SORCS3: variants seen among roughly 807,000 people sequenced by gnomAD.
The protein encoded by SORCS3 is sortilin related VPS10 domain containing receptor 3.
Under a neutral mutation model 146.3 loss-of-function variants are expected in SORCS3, and 57 were observed. The observed-to-expected ratio is 0.39, with a 90% confidence interval of 0.31 to 0.49. SORCS3 has a LOEUF of 0.49. Ranked by LOEUF, SORCS3 falls within the 20% of genes least tolerant of loss-of-function variation. The pLI, the probability that SORCS3 is intolerant of heterozygous loss-of-function variation, is 0.92. For synonymous variants in SORCS3, 653 were observed against 618.5 expected (o/e 1.06, Z -0.83); for missense variants, 1,341 against 1,575.5 (o/e 0.85, Z 2.52).
chr10:105,160,100 G>C (rs1043218878), intron 11 of SORCS3, among the ~76,000 whole-genome samples: 1 of 152,132 alleles, frequency 6.6e-6, no homozygotes, highest in Non-Finnish European at 1.5e-5. Flanking sequence ...CAACTCAAGG[G>C]CTGCGGGACC....
At chr10:104,662,432 C>T (rs2015714550) in intron 1 of SORCS3, among the ~76,000 whole-genome samples, 1 of 152,182 alleles carries the variant, frequency 6.6e-6, no homozygotes, top group African/African-American at 2.4e-5. Flanking sequence ...TAAATAAAAG[C>T]ATGGTGGGGC....
In SORCS3 at chr10:105,157,149, C is replaced by G. The variant is rs2056217196; in HGVS notation, c.1494C>G (p.Ile498Met). 1 of 1,613,742 alleles carries G rather than the reference C, an allele frequency of 6.2e-7. No homozygotes were observed. The highest frequency in any genetic ancestry group is 1.7e-5 in the Admixed American group (1 of 59,980). Residue 498 changes from isoleucine to methionine, a missense_variant, in exon 10 of 27, where the codon ATC (isoleucine) becomes ATG (methionine). Coordinates refer to ENST00000369701, the MANE Select transcript of SORCS3 (RefSeq NM_014978.3). Reference sequence around the variant, plus strand: ...ACCTTTTTTCCTAGGTAGCAGGTATCAAAGGGATATTTCTGGCAAACAAGA... The same window carrying G: ...ACCTTTTTTCCTAGGTAGCAGGTATGAAAGGGATATTTCTGGCAAACAAGA... ...IIIELYEVAG[I>M]KGIFLANKKV...
At chr10:104,899,482 C>T (rs1199121200) in intron 2 of SORCS3, among the ~76,000 whole-genome samples, 1 of 152,198 alleles carries the variant, frequency 6.6e-6, no homozygotes, top group African/African-American at 2.4e-5. Flanking sequence ...TTCCCACCTA[C>T]ATCCAGTGCT....
chr10:105,177,911 A>G (rs750230570), intron 13 of SORCS3, among the ~76,000 whole-genome samples, 155 bp from the exon 14 acceptor site: 10 of 152,156 alleles, frequency 6.6e-5, no homozygotes, highest in Admixed American at 1.3e-4. Context: ...CAAATCTCAT[A>G]ATAATATGGG....
At chr10:105,123,585 A>C (rs2055951338) in intron 7 of SORCS3, among the ~76,000 whole-genome samples, 1 of 152,240 alleles carries the variant, frequency 6.6e-6, no homozygotes, top group South Asian at 2.1e-4. Flanking sequence ...GCTATATATA[A>C]GAAATAAATA....
At chr10:105,204,077 A>C (rs1482076730) in intron 16 of SORCS3, among the ~76,000 whole-genome samples, 1 of 152,032 alleles carries the variant, frequency 6.6e-6, no homozygotes, top group Non-Finnish European at 1.5e-5. Context: ...GCACGGTGGG[A>C]GAGGCGAGGG....
chr10:105,153,812 T>TGG (rs2056185584), intron 9 of SORCS3, among the ~76,000 whole-genome samples: 1 of 152,104 alleles, frequency 6.6e-6, no homozygotes, highest in Non-Finnish European at 1.5e-5. Context: ...GGCTCACACC[T>TGG]GTAATCCCAG....
chr10:105,113,925 G>T (rs2055875812), intron 7 of SORCS3, among the ~76,000 whole-genome samples: 1 of 152,126 alleles, frequency 6.6e-6, no homozygotes, highest in Non-Finnish European at 1.5e-5. Context: ...CTCTGTAGGG[G>T]CAGGGGAAAG....
At chr10:104,719,898 T>G (rs552983454) in intron 1 of SORCS3, among the ~76,000 whole-genome samples, 1 of 152,060 alleles carries the variant, frequency 6.6e-6, no homozygotes, top group Non-Finnish European at 1.5e-5. Context: ...GAAAGTTGTC[T>G]GATGAAAGAT....
At chr10:105,215,954 C>A (rs2056662304) in intron 18 of SORCS3, among the ~76,000 whole-genome samples, 1 of 123,022 alleles carries the variant, frequency 8.1e-6, no homozygotes, top group Non-Finnish European at 1.6e-5. Flanking sequence ...TTGTGTTGAT[C>A]CAAAGTGTTG....
chr10:104,987,593 G>GT (rs1038675210), intron 4 of SORCS3, among the ~76,000 whole-genome samples: 2 of 151,900 alleles, frequency 1.3e-5, no homozygotes, highest in South Asian at 2.1e-4. Flanking sequence ...TTTCTTCAGC[G>GT]TTTTTTTCAC....
intron 1 of SORCS3, among the ~76,000 whole-genome samples, chr10:104,837,617 C>A (rs1359106819): frequency 6.6e-6 from 1 of 152,172 alleles, no homozygotes; most frequent in African/African-American, 2.4e-5. Context: ...TTTCTCATTA[C>A]ACATCTCTGT....
intron 4 of SORCS3, among the ~76,000 whole-genome samples, chr10:105,006,838 C>A (rs959074051): frequency 1.3e-5 from 2 of 152,216 alleles, no homozygotes; most frequent in African/African-American, 4.8e-5. Flanking sequence ...TCTCAACTTA[C>A]AACAGGCACC....
chr10:105,245,501 C>A (rs1375662196), intron 20 of SORCS3, 41 bp from the exon 21 acceptor site: 6 of 1,604,858 alleles, frequency 3.7e-6, no homozygotes, highest in South Asian at 1.1e-5. Context: ...AAGTTGATAT[C>A]CCACACAAGA....
intron 5 of SORCS3, among the ~76,000 whole-genome samples, chr10:105,061,529 T>C (rs2055486470): frequency 6.6e-6 from 1 of 151,850 alleles, no homozygotes; most frequent in East Asian, 1.9e-4. Context: ...TCTCCTGACC[T>C]CGTGATCCAC....
intron 1 of SORCS3, among the ~76,000 whole-genome samples, chr10:104,789,182 C>T (rs1407502719): frequency 6.6e-6 from 1 of 152,146 alleles, no homozygotes; most frequent in Non-Finnish European, 1.5e-5. Flanking sequence ...TAAAAAAATA[C>T]CTGCAGTTCA....
At chr10:104,772,070 G>A (rs888249440) in intron 1 of SORCS3, among the ~76,000 whole-genome samples, 3 of 152,212 alleles carry the variant, frequency 2.0e-5, no homozygotes, top group Admixed American at 1.3e-4. Flanking sequence ...TGGGGCTTGG[G>A]TGTGGGGATG....
At chr10:104,704,179 T>TC (rs201985908) in intron 1 of SORCS3, among the ~76,000 whole-genome samples, 4,207 of 151,408 alleles carry the variant, frequency 0.028, 77 homozygotes, top group Middle Eastern at 0.089. Flanking sequence ...CTTTTTTTTT[T>TC]TTTTTTTAGA....
At chr10:104,820,841 T>C (rs1408557510) in intron 1 of SORCS3, among the ~76,000 whole-genome samples, 5 of 152,190 alleles carry the variant, frequency 3.3e-5, no homozygotes, top group Non-Finnish European at 7.3e-5. Context: ...AACAGTCATA[T>C]ATATAAAAGA....
Sources: allele counts gnomAD v4.1 joint callset (sites outside exome capture counted in the v4.1 genomes callset), GRCh38; gene constraint gnomAD v4.1.1; transcripts MANE v1.5; gene names NCBI Gene and HGNC (gene_info 2026-07-23, HGNC 2026-07-21).